HOOK2: variants seen among roughly 807,000 people sequenced by gnomAD.
HOOK2 encodes protein Hook homolog 2.
A neutral mutation model predicts 111.9 loss-of-function variants in HOOK2; 108 were observed. The observed-to-expected ratio is 0.96, with a 90% CI of 0.83 to 1.13. The LOEUF (loss-of-function observed/expected upper bound fraction) is 1.13, where lower values mean the gene tolerates loss of function less well. Ranked by LOEUF, HOOK2 falls within the 50% of genes most tolerant of loss-of-function variation. The pLI is 0.00. For synonymous variants in HOOK2, 405 were observed against 394.3 expected, an observed-to-expected ratio of 1.03 and a Z score of -0.32; for missense variants, 978 against 951.3, an observed-to-expected ratio of 1.03 and a Z score of -0.37.
At position 12,771,621 on chromosome 19, in the gene HOOK2, G is replaced by A. The variant is rs959813119; in HGVS notation, c.520-144C>T. On this transcript the variant is annotated intron_variant, in intron 7 of 22. Coordinates refer to ENST00000397668, the MANE Select transcript of HOOK2 (RefSeq NM_013312.3). ...GCTGGCGCCGGGTGCAGTGGCTCGC[G>A]CCTATAATCCCAGCACTTTGGGAGG... is the stretch of plus-strand genomic sequence containing the variant. The A allele has an allele frequency of 1.8e-5, 13 of 704,904 alleles. No individual in the cohort carries two copies. In the African/African-American group the frequency reaches 2.1e-4, roughly 12 times the overall value. 43.7% of individuals were successfully genotyped at this position (704,904 alleles called of 1,614,324 possible). A position where few individuals can be genotyped will look rare whatever the true frequency, so the allele number is the denominator to read the frequency against.
At chr19:12,770,103 G>C (rs377711172) in intron 10 of HOOK2, 21 bp from the exon 11 acceptor site, 16 of 1,471,460 alleles carry the variant, frequency 1.1e-5, no homozygotes, top group Middle Eastern at 1.7e-4. Context: ...GGGAGGGAAG[G>C]GGGAGGGCTG....
intron 14 of HOOK2, 90 bp from the exon 15 acceptor site, chr19:12,766,330 A>G (rs2145733617): frequency 1.4e-6 from 2 of 1,419,096 alleles, no homozygotes; most frequent in Non-Finnish European, 1.9e-6. Flanking sequence ...GGGGCGGGAC[A>G]GAGCCCTGGG....
At chr19:12,777,520 A>T (rs1049019919), upstream of HOOK2, among the ~76,000 whole-genome samples, 1 of 152,030 alleles carries the variant, frequency 6.6e-6, no homozygotes, top group Admixed American at 6.5e-5. Flanking sequence ...TGCATTATTG[A>T]CTCCAGCAGT....
At chr19:12,789,150 C>G (rs1968681962) in intron 3 of HOOK2, among the ~76,000 whole-genome samples, 1 of 152,030 alleles carries the variant, frequency 6.6e-6, no homozygotes, top group Non-Finnish European at 1.5e-5. Context: ...TCTTCATCCT[C>G]CAGAAGACAG....
chr19:12,774,563 G>A, intron 3 of HOOK2, 106 bp downstream of exon 3: 1 of 1,042,304 alleles, frequency 9.6e-7, no homozygotes, highest in Non-Finnish European at 1.5e-6. Context: ...TTGATCACCA[G>A]ACATCTGTCC....
At chr19:12,779,909 G>C (rs1202213743), upstream of HOOK2, among the ~76,000 whole-genome samples, 1 of 152,186 alleles carries the variant, frequency 6.6e-6, no homozygotes, top group African/African-American at 2.4e-5. Context: ...CAGCACTTTG[G>C]GAGGTCAAGG....
upstream of HOOK2, among the ~76,000 whole-genome samples, chr19:12,778,083 C>T (rs1489122079): frequency 3.3e-5 from 5 of 152,192 alleles, no homozygotes; most frequent in South Asian, 4.1e-4. Context: ...TGCAACCCCT[C>T]CCCGGTAGAC....
chr19:12,763,516 C>T lies in HOOK2; in HGVS notation c.2010+12G>A. On this transcript the variant is annotated intron_variant, in intron 22 of 22. Transcript: ENST00000397668. Reference sequence around the variant, plus strand: ...TACCCATGAGATCTTAGAGCCCAGACCCCACACTTACCATATTATACCAGG... The same window carrying T: ...TACCCATGAGATCTTAGAGCCCAGATCCCACACTTACCATATTATACCAGG... 6.2e-7 allele frequency: 1 copy of T among 1,614,206 alleles called. No individual in the cohort carries two copies. The highest frequency in any genetic ancestry group is 8.5e-7 in the Non-Finnish European group (1 of 1,180,028).
At chr19:12,766,275 C>A (rs1248447802) in intron 14 of HOOK2, 35 bp from the exon 15 acceptor site, 2 of 1,503,086 alleles carry the variant, frequency 1.3e-6, no homozygotes, top group Non-Finnish European at 1.8e-6. Flanking sequence ...GGGCCAGGGT[C>A]GAGTCACCTC....
In HOOK2 at chr19:12,791,337, G is replaced by A. The variant is rs1048791551; in HGVS notation, n.42-17112C>T. Among the ~76,000 whole-genome samples, 2 of 152,212 alleles carry A rather than the reference G, an allele frequency of 1.3e-5. No homozygotes were observed. Among genetic ancestry groups the A allele is most frequent in the Non-Finnish European group, 2.9e-5 (2 of 68,038 alleles). On this transcript the variant is annotated intron_variant and non_coding_transcript_variant, in intron 3 of 3. Transcript: ENST00000589765. This position sits in a 1 kb window ranked among gnomAD's most constrained non-coding sequence, Gnocchi z 7.0. ...GTGGCCGCTGTTTACAAGGACACGC[G>A]CTTCCTGACAGTGACGCGAGCCGCC... is the stretch of plus-strand genomic sequence containing the variant.
intron 11 of HOOK2, among the ~76,000 whole-genome samples, 195 bp downstream of exon 11, chr19:12,769,686 G>A (rs1364417626): frequency 2.0e-5 from 3 of 152,236 alleles, no homozygotes; most frequent in Admixed American, 6.5e-5. Flanking sequence ...ATTTAGAGGA[G>A]CGGTACTTAA....
At chr19:12,773,228 TTTC>T in intron 3 of HOOK2, 184 bp from the exon 4 acceptor site, 30 of 476,926 alleles carry the variant, frequency 6.3e-5, no homozygotes, top group Non-Finnish European at 8.5e-5. Context: ...ACCATCTTTG[TTTC>T]TTTTTTTTTT....
chr19:12,769,242 G>C (rs1968244355), intron 11 of HOOK2, among the ~76,000 whole-genome samples: 1 of 152,154 alleles, frequency 6.6e-6, no homozygotes, highest in Non-Finnish European at 1.5e-5. Flanking sequence ...TGGGATTACA[G>C]GAGTGAGCCA....
intron 3 of HOOK2, among the ~76,000 whole-genome samples, chr19:12,789,035 C>T (rs1463102775): frequency 6.6e-6 from 1 of 152,160 alleles, no homozygotes; most frequent in Non-Finnish European, 1.5e-5. Context: ...TCGCCTCTTT[C>T]GTTTTCCTTC....
chr19:12,768,065 A>T lies in HOOK2; in HGVS notation c.1163T>A (p.Phe388Tyr), dbSNP rs1968210902. 1.2e-6 allele frequency: 2 copies of T among 1,614,248 alleles called. No homozygotes were observed. The highest frequency in any genetic ancestry group is 1.7e-6 in the Non-Finnish European group (2 of 1,180,036). Reference protein sequence around the residue: ...EEAMKAEKWLFECRNLEEKYE... With the variant: ...EEAMKAEKWLYECRNLEEKYE... ...CTTTTCCTCCAGGTTGCGGCATTCA[A>T]ATAGCCATTTCTCGGCCTTCATGGC... The change falls in exon 12 of 23, where the codon TTT (phenylalanine) becomes TAT (tyrosine). Residue 388 changes from phenylalanine to tyrosine, a missense_variant. Phe to Tyr is a conservative substitution (Grantham distance 22). Transcript: ENST00000397668.
chr19:12,772,863 A>AT lies in HOOK2; in HGVS notation c.304dup (p.Ile102AsnfsTer59). Reference sequence around the variant, plus strand: ...CTCTGCCGGGTCTGAGAACTCTCCAATGAGGCTCACATCTGGGAGATGCTC... The same window carrying AT: ...CTCTGCCGGGTCTGAGAACTCTCCAATTGAGGCTCACATCTGGGAGATGCTC... On this transcript the variant is annotated frameshift_variant, in exon 5 of 23. Coordinates refer to ENST00000397668, the MANE Select transcript of HOOK2 (RefSeq NM_013312.3). LOFTEE classifies it high-confidence loss of function. 1 of 1,614,226 alleles carries AT rather than the reference A, an allele frequency of 6.2e-7. No individual in the cohort carries two copies. The highest frequency in any genetic ancestry group is 2.2e-5 in the East Asian group (1 of 44,890).
intron 10 of HOOK2, among the ~76,000 whole-genome samples, chr19:12,770,327 G>C (rs1476147731): frequency 5.9e-5 from 9 of 151,956 alleles, no homozygotes; most frequent in Admixed American, 5.9e-4. Context: ...GGACACAGAG[G>C]GTGGGGTTAT....
At chr19:12,772,369 A>C in intron 6 of HOOK2, 117 bp from the exon 7 acceptor site, 1 of 1,221,004 alleles carries the variant, frequency 8.2e-7, no homozygotes, top group Non-Finnish European at 1.2e-6. Context: ...TCTGCCCAAT[A>C]ACCCCAGCCC....
intron 13 of HOOK2, 64 bp downstream of exon 13, chr19:12,767,752 C>T (rs1039553722): frequency 4.1e-6 from 6 of 1,466,498 alleles, no homozygotes; most frequent in Non-Finnish European, 5.6e-6. Context: ...CACTGGGACA[C>T]AACCTGTTCT....
Sources: allele counts gnomAD v4.1 joint callset (sites outside exome capture counted in the v4.1 genomes callset), GRCh38; gene constraint gnomAD v4.1.1; non-coding constraint Gnocchi (gnomAD v3.1); transcripts MANE v1.5; gene names NCBI Gene and HGNC (gene_info 2026-07-23, HGNC 2026-07-21).